CBR1: variants seen among roughly 807,000 people sequenced by gnomAD.
CBR1 encodes carbonyl reductase 1.
Under a neutral mutation model 10.6 loss-of-function variants are expected in CBR1, and 11 were observed. The ratio of observed to expected loss-of-function variants is 1.03; its 90% CI spans 0.65 to 1.71. CBR1 has a LOEUF of 1.71. Ranked by LOEUF, CBR1 falls within the 40% of genes most tolerant of loss-of-function variation. CBR1 has a pLI of 0.00. For synonymous variants in CBR1, 158 were observed against 156.7 expected (o/e 1.01, Z -0.06); for missense variants, 361 against 368.6 (o/e 0.98, Z 0.17).
chr21:36,073,062 G>A lies in CBR1; in HGVS notation c.*180G>A. On this transcript the variant is annotated 3_prime_UTR_variant, in exon 3 of 3. Coordinates refer to ENST00000290349, the MANE Select transcript of CBR1 (RefSeq NM_001757.4). Reference sequence around the variant, plus strand: ...CGCACTCAGTTGACTACGTAAATCTGTCAGGTCTTTTGTGATTTCCTCTGA... The same window carrying A: ...CGCACTCAGTTGACTACGTAAATCTATCAGGTCTTTTGTGATTTCCTCTGA... 2.2e-6 allele frequency: 1 copy of A among 455,304 alleles called. No homozygotes were observed. The highest frequency in any genetic ancestry group is 3.9e-6 in the Non-Finnish European group (1 of 259,128). 28.2% of individuals were successfully genotyped at this position (455,304 alleles called of 1,614,324 possible).
chr21:36,071,258 C>T (rs1021170847), intron 2 of CBR1: 6 of 695,040 alleles, frequency 8.6e-6, no homozygotes, highest in Middle Eastern at 2.3e-4. Context: ...GCCATTCGTC[C>T]TCCCTGTCGC....
In CBR1 at chr21:36,072,593, G is replaced by A. The variant is rs533864137; in HGVS notation, c.545G>A (p.Gly182Glu). Residue 182 changes from glycine to glutamate, a missense_variant, in exon 3 of 3, where the codon GGA becomes GAA. By Grantham distance (98) the Gly-to-Glu change is moderately conservative (BLOSUM62 -2). Coordinates refer to ENST00000290349, the MANE Select transcript of CBR1 (RefSeq NM_001757.4). ...AAGTTTGTGGAGGATACAAAGAAGG[G>A]AGTGCACCAGAAGGAGGGCTGGCCC... Reference protein sequence around the residue: ...MNKFVEDTKKGVHQKEGWPSS... With the variant: ...MNKFVEDTKKEVHQKEGWPSS... The A allele has an allele frequency of 2.1e-4, 340 of 1,603,742 alleles. 3 individuals are homozygous for A. In the South Asian group the frequency reaches 3.5e-3, roughly 17 times the overall value.
At chr21:36,070,908 T>C (rs1213077928) in intron 1 of CBR1, 42 bp from the exon 2 acceptor site, 1 of 1,146,150 alleles carries the variant, frequency 8.7e-7, no homozygotes, top group South Asian at 1.2e-5. Flanking sequence ...TTTTACCCCA[T>C]GGGTACAATG....
intron 1 of CBR1, 97 bp from the exon 2 acceptor site, chr21:36,070,853 G>GTTTTTGTTTTTTTT (rs1568956922): frequency 1.6e-5 from 8 of 509,430 alleles, no homozygotes; most frequent in Middle Eastern, 4.0e-4. Context: ...AGGGCACTAA[G>GTTTTTGTTTTTTTT]TTTTTTTTTT....
chr21:36,070,047 C>G lies in CBR1; in HGVS notation c.-69C>G. ...CCAGACTCGAGCAGTCTCTGGAACA[C>G]GCTGCGGGGCTCCCGGGCCTGAGCC... is the stretch of plus-strand genomic sequence containing the variant. On this transcript the variant is annotated 5_prime_UTR_variant, in exon 1 of 3. Coordinates refer to ENST00000290349, the MANE Select transcript of CBR1 (RefSeq NM_001757.4). 4.2e-6 allele frequency: 6 copies of G among 1,430,560 alleles called. No individual in the cohort carries two copies. The highest frequency in any genetic ancestry group is 2.4e-4 in the Middle Eastern group (1 of 4,116). 88.6% of individuals were successfully genotyped at this position (1,430,560 alleles called of 1,614,324 possible). A position where few individuals can be genotyped will look rare whatever the true frequency, so the allele number is the denominator to read the frequency against.
chr21:36,070,124 C>T lies in CBR1; in HGVS notation c.9C>T (p.Ser3=), dbSNP rs2065337469. The change falls in exon 1 of 3, where the codon TCC becomes TCT. Residue 3 remains serine (S), a synonymous_variant. Coordinates refer to ENST00000290349, the MANE Select transcript of CBR1 (RefSeq NM_001757.4). The part of the protein sequence containing the change: MS[S]GIHVALVTGG... Reference sequence around the variant, plus strand: ...GCGCGCCCCGTTCAGCCATGTCGTCCGGCATCCATGTAGCGCTGGTGACTG... The same window carrying T: ...GCGCGCCCCGTTCAGCCATGTCGTCTGGCATCCATGTAGCGCTGGTGACTG... 1.3e-6 allele frequency: 2 copies of T among 1,522,676 alleles called. No homozygotes were observed. Among genetic ancestry groups the T allele is most frequent in the African/African-American group, 1.4e-5 (1 of 72,456 alleles). The allele number at this position is 1,522,676 out of a possible 1,614,324, so 94.3% of individuals were successfully genotyped here.
Position 36,072,386 on chromosome 21 carries a change from T to C in CBR1, c.398-60T>C, listed in dbSNP as rs781208993. The C allele has an allele frequency of 1.9e-6, 3 of 1,613,640 alleles. No homozygotes were observed. The African/African-American group carries it at 4.0e-5, about 22-fold the overall frequency. ...CTCCAAAATCCCTGCAAATTTGGCA[T>C]TCACCTCTCTACGGGATTGTTGCAC... On this transcript the variant is annotated intron_variant, in intron 2 of 2. Coordinates refer to ENST00000290349, the MANE Select transcript of CBR1 (RefSeq NM_001757.4).
In CBR1 at chr21:36,072,144, C is replaced by G. The variant is rs539890750; in HGVS notation, c.398-302C>G. Reference sequence around the variant, plus strand: ...TGTACAGCTTACTCTCAGCTTTTATCCTGTTTCCCTGTCCTGTCGTCCTGT... The same window carrying G: ...TGTACAGCTTACTCTCAGCTTTTATGCTGTTTCCCTGTCCTGTCGTCCTGT... On this transcript the variant is annotated intron_variant, in intron 2 of 2. Coordinates refer to ENST00000290349, the MANE Select transcript of CBR1 (RefSeq NM_001757.4). 9 of 1,538,906 alleles carry G rather than the reference C, an allele frequency of 5.8e-6. No individual in the cohort carries two copies. The African/African-American group carries it at 9.6e-5, about 16-fold the overall frequency.
In CBR1 at chr21:36,070,980, C is replaced by G. The variant is rs778116397; in HGVS notation, c.320C>G (p.Ala107Gly). ...GATCCCACACCCTTTCATATTCAAG[C>G]TGAAGTGACGATGAAAACAAATTTC... ...VADPTPFHIQ[A>G]EVTMKTNFFG... is the part of the protein sequence containing the mutation. Residue 107 changes from alanine (A) to glycine (G), a missense_variant, in exon 2 of 3, where the codon GCT becomes GGT. Transcript: ENST00000290349. The G allele has an allele frequency of 6.2e-7, 1 of 1,612,908 alleles. No individual in the cohort carries two copies.
intron 2 of CBR1, chr21:36,071,734 C>G (rs1176445508): frequency 2.2e-6 from 2 of 905,676 alleles, no homozygotes; most frequent in Admixed American, 4.1e-5. Flanking sequence ...CTACAGCAGG[C>G]CCTCACCTGT....
chr21:36,070,878 T>TTTAG, intron 1 of CBR1, 72 bp from the exon 2 acceptor site: 5 of 901,762 alleles, frequency 5.5e-6, no homozygotes, highest in Non-Finnish European at 6.7e-6. Flanking sequence ...TTTTTTTTTT[T>TTTAG]TTAGTATCAT....
At chr21:36,072,152 C>T (rs1025498605) in intron 2 of CBR1, 1 of 1,543,802 alleles carries the variant, frequency 6.5e-7, no homozygotes, top group East Asian at 2.4e-5. Context: ...ATCCTGTTTC[C>T]CTGTCCTGTC....
chr21:36,070,630 T>G (rs548000952), intron 1 of CBR1: 18 of 556,184 alleles, frequency 3.2e-5, no homozygotes, highest in Middle Eastern at 4.7e-4. Context: ...TTTTTCTGAA[T>G]TGAGCTTTAA....
At chr21:36,071,574 C>T (rs1055134645) in intron 2 of CBR1, 1 of 574,254 alleles carries the variant, frequency 1.7e-6, no homozygotes, top group Non-Finnish European at 3.1e-6. Context: ...CAGAGGATCC[C>T]TATCCTTTTC....
In CBR1 at chr21:36,073,159, T is replaced by G. The variant is rs2065366721; in HGVS notation, c.*277T>G. 1.2e-5 allele frequency: 4 copies of G among 328,932 alleles called. No homozygotes were observed. The highest frequency in any genetic ancestry group is 1.7e-5 in the Non-Finnish European group (3 of 179,642). The allele number at this position is 328,932 out of a possible 1,614,324, so 20.4% of individuals were successfully genotyped here. On this transcript the variant is annotated 3_prime_UTR_variant, in exon 3 of 3. Coordinates refer to ENST00000290349, the MANE Select transcript of CBR1 (RefSeq NM_001757.4). ...CAACAGATGAATAAATGGTTCTTTA[T>G]AAGTGTCCATTTGTACAGATTGTTT...
At chr21:36,070,853 GTTTTTTTTTTTT>G in intron 1 of CBR1, 85 bp from the exon 2 acceptor site, 1 of 509,242 alleles carries the variant, frequency 2.0e-6, no homozygotes, top group Non-Finnish European at 3.2e-6. Flanking sequence ...AGGGCACTAA[GTTTTTTTTTTTT>G]TTTTTTTTTT....
rs546119820 is a variant in CBR1 at position 36,072,641 on chromosome 21, A to T, written c.593A>T (p.Lys198Met). Residue 198 changes from lysine to methionine, a missense_variant, in exon 3 of 3, where the codon AAG becomes ATG. Physicochemically the swap from Lys to Met is moderately conservative, Grantham distance 95 (BLOSUM62 -1). Transcript: ENST00000290349. ...GWPSSAYGVT[K>M]IGVTVLSRIH... ...CCCAGCAGCGCATACGGGGTGACGA[A>T]GATTGGCGTCACCGTTCTGTCCAGG... 1.5e-5 allele frequency: 24 copies of T among 1,611,764 alleles called. No individual in the cohort carries two copies. The South Asian group carries it at 2.4e-4, about 16-fold the overall frequency.
At chr21:36,071,266 C>A in intron 2 of CBR1, 1 of 691,370 alleles carries the variant, frequency 1.4e-6, no homozygotes, top group South Asian at 1.5e-5. Flanking sequence ...TCCTCCCTGT[C>A]GCACTGGTCT....
chr21:36,071,141 G>GCTT, intron 2 of CBR1, 84 bp downstream of exon 2: 1 of 897,110 alleles, frequency 1.1e-6, no homozygotes, highest in Non-Finnish European at 1.9e-6. Context: ...GCAGGCTCCT[G>GCTT]CTTCCTCTCC....
Sources: gnomAD v4.1 joint callset for allele counts on GRCh38, gnomAD v4.1.1 for gene constraint, MANE v1.5 for transcripts, NCBI Gene and HGNC (gene_info 2026-07-23, HGNC 2026-07-21) for gene names.